Variants in CRY1 observed in about 807,000 individuals in gnomAD.
The protein encoded by CRY1 is cryptochrome-1.
CRY1 carries 45 observed loss-of-function variants against 76.0 expected under a neutral mutation model. The ratio of observed to expected loss-of-function variants is 0.59; its 90% CI spans 0.47 to 0.76. The LOEUF (loss-of-function observed/expected upper bound fraction) is 0.76. Among genes scored for constraint, CRY1 ranks in the 30% least tolerant of loss-of-function variants. The pLI is 0.00. For synonymous variants in CRY1, 248 were observed against 244.0 expected (o/e 1.02, Z -0.15); for missense variants, 587 against 716.4 (o/e 0.82, Z 2.06).
intron 2 of CRY1, among the ~76,000 whole-genome samples, chr12:107,012,894 T>C (rs1952460873): frequency 6.6e-6 from 1 of 152,196 alleles, no homozygotes; most frequent in South Asian, 2.1e-4. Context: ...GAATTAAAAC[T>C]AGAAGTGCAG....
rs1393025127 is a variant in CRY1 at position 107,000,210 on chromosome 12, A to G, written c.685-128T>C. ...GAATAAAATCTTATCCTAGCCACAA[A>G]TTACATGTTTTAATAAAAAATAAGA... On this transcript the variant is annotated intron_variant, in intron 5 of 12. Transcript: ENST00000008527. The G allele has an allele frequency of 4.4e-6, 4 of 908,536 alleles. No individual in the cohort carries two copies. The African/African-American group carries it at 6.9e-5, about 16-fold the overall frequency. 56.3% of individuals were successfully genotyped at this position (908,536 alleles called of 1,614,324 possible). A position where few individuals can be genotyped will look rare whatever the true frequency, so the allele number is the denominator to read the frequency against.
chr12:107,057,333 A>C (rs1489085639), intron 1 of CRY1, among the ~76,000 whole-genome samples: 1 of 152,228 alleles, frequency 6.6e-6, no homozygotes, highest in African/African-American at 2.4e-5. Flanking sequence ...CATAAATAAT[A>C]ATCAGCAAAT....
At position 107,005,120 on chromosome 12, in the gene CRY1, T is replaced by C. The variant is rs748186645; in HGVS notation, c.396A>G (p.Leu132=). The change falls in exon 3 of 13, where the codon TTA becomes TTG. Residue 132 remains leucine (L), a synonymous_variant. Transcript: ENST00000008527. ...AAAGGACTCACTTGTCTAGGTCATATAATGTATGTGAAATTCTTACAATGA... is the reference window on the plus strand; with the variant it reads ...AAAGGACTCACTTGTCTAGGTCATACAATGTATGTGAAATTCTTACAATGA... ...VEVIVRISHT[L]YDLDKIIELN... is the part of the protein sequence containing the mutation. 14 of 1,612,456 alleles carry C rather than the reference T, an allele frequency of 8.7e-6. No homozygotes were observed. The Admixed American group carries it at 2.3e-4, about 27-fold the overall frequency.
chr12:107,023,339 A>C (rs1952577924), intron 1 of CRY1, among the ~76,000 whole-genome samples: 1 of 152,210 alleles, frequency 6.6e-6, no homozygotes, highest in South Asian at 2.1e-4. Flanking sequence ...AAATTTAAAA[A>C]TCAGTTCCTT....
intron 1 of CRY1, among the ~76,000 whole-genome samples, chr12:107,039,073 C>T (rs762858164): frequency 2.2e-4 from 34 of 152,004 alleles, no homozygotes; most frequent in Non-Finnish European, 2.9e-4. Flanking sequence ...TGCAGTGAGC[C>T]GGGATCGTGC....
intron 1 of CRY1, among the ~76,000 whole-genome samples, chr12:107,092,132 G>A (rs1953478801): frequency 6.6e-6 from 1 of 152,070 alleles, no homozygotes; most frequent in Non-Finnish European, 1.5e-5. Context: ...TTCCACCAGG[G>A]GGCCTAACAA....
At position 107,055,921 on chromosome 12, in the gene CRY1, G is replaced by GT. The variant is rs150459219; in HGVS notation, c.159-33730dup. ...AAAGCTAAATGGGTTTCAATTTCAA[G>GT]TAACAGCTTAGGTTATTTAGATCAA... is the stretch of plus-strand genomic sequence containing the variant. On this transcript the variant is annotated intron_variant, in intron 1 of 12. Coordinates refer to ENST00000008527, the MANE Select transcript of CRY1 (RefSeq NM_004075.5). Among the ~76,000 whole-genome samples, 708 of 152,112 alleles carry GT rather than the reference G, an allele frequency of 4.7e-3. 6 individuals carry two copies. The highest frequency in any genetic ancestry group is 0.016 in the African/African-American group (668 of 41,502).
rs576802813 is a variant in CRY1, at chr12:107,092,813, T to C, written c.149A>G (p.Asn50Ser). 182 of 1,611,694 alleles carry C rather than the reference T, an allele frequency of 1.1e-4. No homozygotes were observed. Among genetic ancestry groups the C allele is most frequent in the Non-Finnish European group, 1.4e-4 (161 of 1,179,844 alleles). ...WFAGSSNVGI[N>S]RWRFLLQCLE... is the part of the protein sequence containing the mutation. ...CGGGCTTGTGACTCACCGCCACCTG[T>C]TGATGCCCACATTGGAGGAGCCGGC... The change falls in exon 1 of 13, where the codon AAC becomes AGC. Residue 50 changes from asparagine (N) to serine (S), a missense_variant. Transcript: ENST00000008527.
chr12:107,019,005 A>G (rs1453977330), intron 2 of CRY1, among the ~76,000 whole-genome samples: 1 of 152,244 alleles, frequency 6.6e-6, no homozygotes, highest in East Asian at 1.9e-4. Flanking sequence ...TACCAGGTCT[A>G]AACTAGCCTT....
intron 1 of CRY1, among the ~76,000 whole-genome samples, chr12:107,081,421 T>C (rs1361641935): frequency 6.6e-6 from 1 of 152,202 alleles, no homozygotes; most frequent in Non-Finnish European, 1.5e-5. Flanking sequence ...CCCAGATACA[T>C]GTATAGCCTG....
At chr12:107,030,965 T>C (rs1461327029) in intron 1 of CRY1, among the ~76,000 whole-genome samples, 1 of 152,310 alleles carries the variant, frequency 6.6e-6, no homozygotes, top group South Asian at 2.1e-4. Context: ...AGTATTATGC[T>C]TTCTATACTA....
At chr12:107,021,221 T>G (rs531894144) in intron 2 of CRY1, among the ~76,000 whole-genome samples, 95 of 152,200 alleles carry the variant, frequency 6.2e-4, no homozygotes, top group African/African-American at 2.2e-3. Flanking sequence ...AGGCAGAGGT[T>G]GTAGTGCGCT....
At chr12:107,005,291 G>C (rs760372258) in intron 2 of CRY1, 43 bp from the exon 3 acceptor site, 2 of 1,532,822 alleles carry the variant, frequency 1.3e-6, no homozygotes, top group Non-Finnish European at 8.8e-7. Flanking sequence ...AATTGTAATA[G>C]TTATTTTTTC....
intron 3 of CRY1, among the ~76,000 whole-genome samples, chr12:107,002,168 T>G (rs1952319629): frequency 6.6e-6 from 1 of 152,044 alleles, no homozygotes; most frequent in African/African-American, 2.4e-5. Context: ...TCAAATATAC[T>G]ACACAAATAT....
At chr12:107,055,799 T>C (rs1248184903) in intron 1 of CRY1, among the ~76,000 whole-genome samples, 5 of 151,224 alleles carry the variant, frequency 3.3e-5, no homozygotes, top group Non-Finnish European at 5.9e-5. Context: ...GGCTTGAGTG[T>C]AGGAGACAGA....
chr12:107,062,304 T>C (rs965453851), intron 1 of CRY1, among the ~76,000 whole-genome samples: 4 of 152,162 alleles, frequency 2.6e-5, no homozygotes, highest in Non-Finnish European at 5.9e-5. Context: ...GAAACAATTT[T>C]CACTTGATTA....
chr12:107,002,001 T>C (rs1952318205), intron 3 of CRY1, 53 bp from the exon 4 acceptor site: 5 of 1,464,562 alleles, frequency 3.4e-6, no homozygotes, highest in Non-Finnish European at 4.6e-6. Flanking sequence ...CAATACATTT[T>C]GGCTAATAAG....
intron 1 of CRY1, among the ~76,000 whole-genome samples, chr12:107,044,463 G>C (rs1438554357): frequency 2.0e-5 from 3 of 152,236 alleles, no homozygotes; most frequent in South Asian, 2.1e-4. Context: ...GCACCTATCT[G>C]GAAAGAGAGT....
At chr12:107,070,497 A>G (rs1953175415) in intron 1 of CRY1, among the ~76,000 whole-genome samples, 1 of 152,072 alleles carries the variant, frequency 6.6e-6, no homozygotes, top group Non-Finnish European at 1.5e-5. Flanking sequence ...TATAACAAAC[A>G]ATGCATTTAT....
Sources: allele counts gnomAD v4.1 joint callset (sites outside exome capture counted in the v4.1 genomes callset), GRCh38; gene constraint gnomAD v4.1.1; transcripts MANE v1.5; gene names NCBI Gene and HGNC (gene_info 2026-07-23, HGNC 2026-07-21).